The following CADM2 variants were observed in gnomAD, a reference collection of about 807,000 sequenced individuals.
The protein encoded by CADM2 is cell adhesion molecule 2, also known as immunoglobulin superfamily member 4D.
In CADM2, 12 loss-of-function variants were observed where a neutral mutation model predicts 49.8. The observed-to-expected ratio is 0.24, with a 90% confidence interval of 0.15 to 0.39. The LOEUF is 0.39. CADM2 is among the 10% of genes least tolerant of loss of function. The probability of loss-of-function intolerance (pLI) is 1.00; values close to 1 mark genes in which losing one functional copy is unlikely to be tolerated. For missense variants in CADM2, 378 were observed against 492.3 expected (o/e 0.77, Z 2.20); for synonymous variants, 214 against 175.4 (o/e 1.22, Z -1.74).
rs1031347721 is a variant in CADM2 at position 85,372,373 on chromosome 3, A to G, written c.62-354149A>G. ...TATATGTGTGTGTGTGTATATATAT[A>G]TGTGTGTGTGTATATATAGATATAT... On this transcript the variant is annotated intron_variant, in intron 1 of 9. Coordinates refer to ENST00000383699, the MANE Select transcript of CADM2 (RefSeq NM_001167675.2). Among the ~76,000 whole-genome samples the G allele has an allele frequency of 4.0e-5, 6 of 150,562 alleles. No individual in the cohort carries two copies. In the East Asian group the frequency reaches 5.8e-4, roughly 15 times the overall value.
intron 1 of CADM2, among the ~76,000 whole-genome samples, chr3:85,055,113 C>A (rs1646215043): frequency 6.6e-6 from 1 of 151,874 alleles, no homozygotes; most frequent in South Asian, 2.1e-4. Context: ...ACAGGGCCAT[C>A]ATTCTATTCA....
At chr3:85,315,504 A>G (rs2044445230) in intron 1 of CADM2, among the ~76,000 whole-genome samples, 1 of 152,190 alleles carries the variant, frequency 6.6e-6, no homozygotes, top group Admixed American at 6.5e-5. Context: ...TTTAAGCATA[A>G]AAAAAACTGG....
chr3:85,091,777 C>T (rs965272374), intron 1 of CADM2, among the ~76,000 whole-genome samples: 1 of 152,074 alleles, frequency 6.6e-6, no homozygotes, highest in African/African-American at 2.4e-5. Context: ...CTCAGTGTGT[C>T]TCTGTCTTGT....
chr3:85,278,870 TAGAC>T (rs1475143541), intron 1 of CADM2, among the ~76,000 whole-genome samples: 1 of 151,418 alleles, frequency 6.6e-6, no homozygotes, highest in African/African-American at 2.4e-5. Context: ...TGACTTAATT[TAGAC>T]AGATTAACAA....
At chr3:85,008,873 G>A (rs1275371767) in intron 1 of CADM2, among the ~76,000 whole-genome samples, 2 of 152,154 alleles carry the variant, frequency 1.3e-5, no homozygotes, top group African/African-American at 4.8e-5. Context: ...GAATGAAGGT[G>A]AGCCTAAATG....
chr3:85,169,500 G>T (rs2040562637), intron 1 of CADM2, among the ~76,000 whole-genome samples: 1 of 152,210 alleles, frequency 6.6e-6, no homozygotes, highest in South Asian at 2.1e-4. Context: ...GTATGGGTGT[G>T]GTGGCTCCCA....
intron 7 of CADM2, among the ~76,000 whole-genome samples, chr3:85,938,125 C>G (rs188683791): frequency 6.6e-6 from 1 of 152,024 alleles, no homozygotes; most frequent in Non-Finnish European, 1.5e-5. Context: ...CTTAAATAAA[C>G]TTCTCTATAT....
intron 1 of CADM2, among the ~76,000 whole-genome samples, chr3:85,594,442 G>T (rs2063189151): frequency 6.6e-6 from 1 of 151,716 alleles, no homozygotes; most frequent in African/African-American, 2.4e-5. Context: ...TCATGTTTTG[G>T]GGTGGAAAGA....
chr3:85,475,480 T>C (rs2107616763), intron 1 of CADM2, among the ~76,000 whole-genome samples: 1 of 152,146 alleles, frequency 6.6e-6, no homozygotes, highest in East Asian at 1.9e-4. Context: ...TGGGAATAAA[T>C]TTTGGAAAGA....
intron 1 of CADM2, among the ~76,000 whole-genome samples, chr3:85,133,283 C>A (rs2039294281): frequency 6.6e-6 from 1 of 152,180 alleles, no homozygotes; most frequent in South Asian, 2.1e-4. Flanking sequence ...TGCTTTTATT[C>A]TCTTATCTGG....
chr3:85,146,387 CT>C lies in CADM2; in HGVS notation c.61+186728del, dbSNP rs538695998. On this transcript the variant is annotated intron_variant, in intron 1 of 9. Transcript: ENST00000383699. ...CCTTCTTAGATTTTTAATGAGGTCTCTTTTTTTTTATGCAGTGGCAAATGAA... is the reference window on the plus strand; with the variant it reads ...CCTTCTTAGATTTTTAATGAGGTCTCTTTTTTTTATGCAGTGGCAAATGAA... 2.1e-3 allele frequency among the ~76,000 whole-genome samples: 318 copies of C among 150,978 alleles called. 1 individual carries two copies. Among genetic ancestry groups the C allele is most frequent in the Non-Finnish European group, 3.8e-3 (255 of 67,652 alleles).
At chr3:85,720,021 A>G (rs1402031502) in intron 1 of CADM2, among the ~76,000 whole-genome samples, 1 of 152,118 alleles carries the variant, frequency 6.6e-6, no homozygotes, top group Non-Finnish European at 1.5e-5. Flanking sequence ...TCCTAACACT[A>G]TGAAGTATCT....
chr3:85,520,634 A>G (rs2061008663), intron 1 of CADM2, among the ~76,000 whole-genome samples: 3 of 152,190 alleles, frequency 2.0e-5, no homozygotes, highest in South Asian at 4.1e-4. Flanking sequence ...ATATAGATTC[A>G]TCTTCTATTA....
intron 1 of CADM2, among the ~76,000 whole-genome samples, chr3:85,234,389 A>C (rs955991619): frequency 6.6e-6 from 1 of 152,150 alleles, no homozygotes; most frequent in Non-Finnish European, 1.5e-5. Flanking sequence ...CTGCCTAAAC[A>C]AACCTCCTAA....
At chr3:85,422,290 TTTTTTTTTTGAGACAGAG>T (rs1169078860) in intron 1 of CADM2, among the ~76,000 whole-genome samples, 1 of 149,120 alleles carries the variant, frequency 6.7e-6, no homozygotes, top group Non-Finnish European at 1.5e-5. Context: ...TGCAGCAGCC[TTTTTTTTTTGAGACAGAG>T]TCTCTGTCGC....
chr3:85,076,944 C>A (rs545542517), intron 1 of CADM2, among the ~76,000 whole-genome samples: 1 of 152,234 alleles, frequency 6.6e-6, no homozygotes, highest in East Asian at 1.9e-4. Context: ...TGCACTCCAG[C>A]CTGGGCACCA....
At chr3:85,240,839 A>G (rs959715614) in intron 1 of CADM2, among the ~76,000 whole-genome samples, 16 of 151,502 alleles carry the variant, frequency 1.1e-4, no homozygotes, top group African/African-American at 3.9e-4. Context: ...TTAACTTTTT[A>G]AATTTTTAAT....
At chr3:86,044,891 G>A (rs1259532204) in intron 8 of CADM2, among the ~76,000 whole-genome samples, 1 of 152,090 alleles carries the variant, frequency 6.6e-6, no homozygotes, top group Non-Finnish European at 1.5e-5. Flanking sequence ...AAAAAATGAT[G>A]AGTTCATGTC....
chr3:85,435,967 T>G (rs530509069), intron 1 of CADM2, among the ~76,000 whole-genome samples: 126 of 152,284 alleles, frequency 8.3e-4, no homozygotes, highest in Non-Finnish European at 1.2e-3. Context: ...TCCCATTCTG[T>G]AAGTTGCCTG....
Sources: allele counts gnomAD v4.1 joint callset (sites outside exome capture counted in the v4.1 genomes callset), GRCh38; gene constraint gnomAD v4.1.1; transcripts MANE v1.5; gene names NCBI Gene and HGNC (gene_info 2026-07-23, HGNC 2026-07-21).